The following BABAM2 variants were observed in gnomAD, a reference collection of about 807,000 sequenced individuals.
The protein encoded by BABAM2 is BRISC and BRCA1-A complex member 2.
Under a neutral mutation model 54.7 loss-of-function variants are expected in BABAM2, and 31 were observed. The ratio of observed to expected loss-of-function variants is 0.57; its 90% CI spans 0.43 to 0.77. The LOEUF is 0.77. Among genes scored for constraint, BABAM2 ranks in the 30% least tolerant of loss-of-function variants. BABAM2 has a pLI of 0.00. For synonymous variants in BABAM2, 167 were observed against 162.9 expected, an observed-to-expected ratio of 1.03 and a Z score of -0.19; for missense variants, 364 against 455.8, an observed-to-expected ratio of 0.80 and a Z score of 1.83.
rs77713282 is a variant in BABAM2 at position 27,974,202 on chromosome 2, A to G, written c.206-13791A>G. The stretch of plus-strand genomic sequence containing the variant: ...GTTTCTATCTTACTTTATGAGGCTG[A>G]CATTTTTCTGATATCAAAATCAGTC... On this transcript the variant is annotated intron_variant, in intron 3 of 11. Transcript: ENST00000379624. Among the ~76,000 whole-genome samples, 796 of 152,330 alleles carry G rather than the reference A, an allele frequency of 5.2e-3. 6 individuals carry two copies. Among genetic ancestry groups the G allele is most frequent in the African/African-American group, 0.018 (751 of 41,584 alleles).
At chr2:28,018,834 A>G (rs1675040269) in intron 4 of BABAM2, among the ~76,000 whole-genome samples, 1 of 152,068 alleles carries the variant, frequency 6.6e-6, no homozygotes, top group African/African-American at 2.4e-5. Context: ...TCCTTAGTCC[A>G]CTTTTTAAAA....
chr2:28,298,746 T>C lies in BABAM2; in HGVS notation c.1088+255T>C, dbSNP rs988015248. ...AAAATATTTACTGTTTGGCCCTTTG[T>C]AGCTTCATCAGGAAGAAGCTGATCT... On this transcript the variant is annotated intron_variant, in intron 11 of 11. Coordinates refer to ENST00000379624, the MANE Select transcript of BABAM2 (RefSeq NM_199191.3). Among the ~76,000 whole-genome samples, 15 of 152,246 alleles carry C rather than the reference T, an allele frequency of 9.9e-5. 1 individual carries two copies. The highest frequency in any genetic ancestry group is 4.6e-4 in the Admixed American group (7 of 15,282).
At chr2:27,902,541 G>A (rs1665866942) in intron 2 of BABAM2, among the ~76,000 whole-genome samples, 1 of 152,104 alleles carries the variant, frequency 6.6e-6, no homozygotes, top group Non-Finnish European at 1.5e-5. Flanking sequence ...AGCCTCACCA[G>A]TACTTGATAT....
At chr2:28,085,193 A>G (rs974165320) in intron 6 of BABAM2, among the ~76,000 whole-genome samples, 2 of 152,242 alleles carry the variant, frequency 1.3e-5, no homozygotes, top group South Asian at 2.1e-4. Context: ...TGAATAGAAC[A>G]TTACTTGTAT....
intron 7 of BABAM2, among the ~76,000 whole-genome samples, chr2:28,177,367 A>T (rs1573761023): frequency 6.6e-6 from 1 of 152,190 alleles, no homozygotes; most frequent in East Asian, 1.9e-4. Context: ...AACTGAGGAA[A>T]TTCATCACCA....
chr2:28,331,932 A>G (rs1344258657), intron 11 of BABAM2, among the ~76,000 whole-genome samples: 1 of 152,232 alleles, frequency 6.6e-6, no homozygotes, highest in Non-Finnish European at 1.5e-5. Flanking sequence ...CATCAGTGAT[A>G]GACTGGATAA....
At chr2:27,975,859 C>T (rs575616407) in intron 3 of BABAM2, among the ~76,000 whole-genome samples, 3 of 151,736 alleles carry the variant, frequency 2.0e-5, no homozygotes, top group African/African-American at 7.3e-5. Context: ...ATTAAGAAAA[C>T]CAACAACAAT....
At chr2:28,284,820 GGTTT>G (rs1466589568) in intron 10 of BABAM2, among the ~76,000 whole-genome samples, 3 of 152,226 alleles carry the variant, frequency 2.0e-5, no homozygotes, top group East Asian at 1.9e-4. Flanking sequence ...TATAGACTCA[GGTTT>G]GTTTGTCTGT....
chr2:28,241,372 C>T lies in BABAM2; in HGVS notation c.830C>T (p.Ala277Val). 1 of 1,614,084 alleles carries T rather than the reference C, an allele frequency of 6.2e-7. No individual in the cohort carries two copies. The highest frequency in any genetic ancestry group is 8.5e-7 in the Non-Finnish European group (1 of 1,179,966). The change falls in exon 9 of 12, where the codon GCT becomes GTT. Residue 277 changes from alanine to valine, a missense_variant. Coordinates refer to ENST00000379624, the MANE Select transcript of BABAM2 (RefSeq NM_199191.3). ...GYHKRREYIA[A>V]FLSHFGTGVV... ...CACAAAAGAAGAGAGTATATTGCTG[C>T]TTTTCTCAGTCACTTTGGCACGTAA... is the stretch of plus-strand genomic sequence containing the variant.
intron 2 of BABAM2, among the ~76,000 whole-genome samples, chr2:27,926,023 G>A (rs1286229059): frequency 1.3e-5 from 2 of 151,880 alleles, no homozygotes; most frequent in Admixed American, 6.6e-5. Flanking sequence ...TGTTGGTTTT[G>A]CACCATCATC....
intron 5 of BABAM2, among the ~76,000 whole-genome samples, chr2:28,028,852 C>T (rs545853910): frequency 3.7e-4 from 56 of 152,226 alleles, no homozygotes; most frequent in South Asian, 6.2e-4. Flanking sequence ...CTGCAACCTC[C>T]GCCTCCTGGG....
At chr2:28,265,512 T>G (rs1389437198) in intron 10 of BABAM2, among the ~76,000 whole-genome samples, 1 of 152,148 alleles carries the variant, frequency 6.6e-6, no homozygotes, top group Non-Finnish European at 1.5e-5. Context: ...GAAAAGCGGG[T>G]AGCTGCTCCA....
intron 7 of BABAM2, among the ~76,000 whole-genome samples, chr2:28,143,161 A>AT (rs1671206933): frequency 6.6e-6 from 1 of 151,178 alleles, no homozygotes; most frequent in Non-Finnish European, 1.5e-5. Context: ...ATATATATAT[A>AT]AAACAATGGA....
intron 5 of BABAM2, among the ~76,000 whole-genome samples, chr2:28,034,248 T>C (rs1368843036): frequency 6.6e-6 from 1 of 152,128 alleles, no homozygotes; most frequent in Admixed American, 6.5e-5. Context: ...GGGCAGGAGC[T>C]TTGGGTTTTC....
chr2:28,304,585 C>A lies in BABAM2; in HGVS notation c.1088+6094C>A, dbSNP rs145507535. On this transcript the variant is annotated intron_variant, in intron 11 of 11. Transcript: ENST00000379624. The surrounding 1 kb of genome is among the most constrained non-coding windows in gnomAD (Gnocchi z 4.0). ...ATAGATTTCTTATAATTTCTTTTTT[C>A]TTTTTTTTGGAGATGGAGTCTCACT... Among the ~76,000 whole-genome samples, 3,859 of 150,726 alleles carry A rather than the reference C, an allele frequency of 0.026. 77 individuals are homozygous for A. Among genetic ancestry groups the A allele is most frequent in the Non-Finnish European group, 0.037 (2,531 of 67,606 alleles).
chr2:28,221,181 C>CT (rs140895108), intron 7 of BABAM2, among the ~76,000 whole-genome samples: 16,558 of 151,866 alleles, frequency 0.11, 1,001 homozygotes, highest in Middle Eastern at 0.16. Flanking sequence ...TCCCTTTTCC[C>CT]TCTAAACTTC....
intron 4 of BABAM2, among the ~76,000 whole-genome samples, chr2:28,018,399 C>T (rs1192428377): frequency 1.3e-5 from 2 of 152,106 alleles, no homozygotes; most frequent in Admixed American, 6.6e-5. Context: ...TTTATCCACT[C>T]GTTGATTGAT....
At chr2:28,002,955 G>A (rs1461626129) in intron 4 of BABAM2, among the ~76,000 whole-genome samples, 1 of 152,086 alleles carries the variant, frequency 6.6e-6, no homozygotes, top group African/African-American at 2.4e-5. Flanking sequence ...GGAGTAAACG[G>A]CCACAAAATA....
intron 11 of BABAM2, among the ~76,000 whole-genome samples, chr2:28,326,948 A>G (rs74452194): frequency 0.013 from 2,007 of 151,926 alleles, 44 homozygotes; most frequent in African/African-American, 0.046. Context: ...ACATTCTATC[A>G]TTCTAAAGTA....
Sources: gnomAD v4.1 joint callset for allele counts (sites outside exome capture counted in the v4.1 genomes callset) on GRCh38, gnomAD v4.1.1 for gene constraint, Gnocchi (gnomAD v3.1) non-coding constraint, MANE v1.5 for transcripts, NCBI Gene and HGNC (gene_info 2026-07-23, HGNC 2026-07-21) for gene names.